The following DDX60 variants were observed in gnomAD, a reference collection of about 807,000 sequenced individuals.
The protein encoded by DDX60 is probable ATP-dependent RNA helicase DDX60.
DDX60 carries 165 observed loss-of-function variants against 212.8 expected under a neutral mutation model. That is an observed-to-expected ratio of 0.78 (90% CI 0.68 to 0.88). The LOEUF (loss-of-function observed/expected upper bound fraction) is 0.88, where lower values mean the gene tolerates loss of function less well. DDX60 is among the 40% of genes least tolerant of loss of function. The probability of loss-of-function intolerance (pLI) is 0.00; values close to 1 mark genes in which losing one functional copy is unlikely to be tolerated. For synonymous variants in DDX60, 703 were observed against 685.3 expected (o/e 1.03, Z -0.40); for missense variants, 1,905 against 2,003.9 (o/e 0.95, Z 0.94).
At chr4:168,307,967 G>T in intron 4 of DDX60, 39 bp downstream of exon 4, 1 of 1,339,522 alleles carries the variant, frequency 7.5e-7, no homozygotes, top group Non-Finnish European at 9.9e-7. Flanking sequence ...TTTAGTTTTA[G>T]TTCTCATATT....
intron 29 of DDX60, among the ~76,000 whole-genome samples, 167 bp from the exon 30 acceptor site, chr4:168,246,785 A>G (rs1396624204): frequency 2.0e-5 from 3 of 152,224 alleles, no homozygotes; most frequent in South Asian, 2.1e-4. Flanking sequence ...GAAATTTGCC[A>G]TGACTGAGAT....
intron 5 of DDX60, among the ~76,000 whole-genome samples, chr4:168,303,710 G>A (rs557751041): frequency 1.8e-4 from 27 of 152,246 alleles, no homozygotes; most frequent in African/African-American, 5.8e-4. Flanking sequence ...TAGGCTGGGC[G>A]TGGTGGCTCA....
At position 168,245,821 on chromosome 4, in the gene DDX60, G is replaced by C. The variant is rs1378324924; in HGVS notation, c.4164+597C>G. Among the ~76,000 whole-genome samples, 11 of 152,006 alleles carry C rather than the reference G, an allele frequency of 7.2e-5. No individual in the cohort carries two copies. The South Asian group carries it at 2.3e-3, about 32-fold the overall frequency. ...TTTTTATCTGGGCAACACACATCAGGACACATTTACAACCATATTTTGAAG... is the reference window on the plus strand; with the variant it reads ...TTTTTATCTGGGCAACACACATCAGCACACATTTACAACCATATTTTGAAG... On this transcript the variant is annotated intron_variant, in intron 30 of 37. Coordinates refer to ENST00000393743, the MANE Select transcript of DDX60 (RefSeq NM_017631.6).
At chr4:168,222,171 C>T (rs1733083667) in intron 35 of DDX60, among the ~76,000 whole-genome samples, 2 of 152,118 alleles carry the variant, frequency 1.3e-5, no homozygotes. Context: ...GAAAACCTAA[C>T]ACCATTTCAT....
In DDX60 at chr4:168,237,796, C is replaced by G; in HGVS notation, c.4165-1G>C. ...ATGAATGCTTTAGCACTGATAGCAC[C>G]TTTAAAGAAAAGAGTATTTTTAGAC... On this transcript the variant is annotated splice_acceptor_variant, in intron 30 of 37. Coordinates refer to ENST00000393743, the MANE Select transcript of DDX60 (RefSeq NM_017631.6). LOFTEE classifies it high-confidence loss of function. The G allele has an allele frequency of 6.3e-7, 1 of 1,594,300 alleles. No homozygotes were observed.
intron 27 of DDX60, among the ~76,000 whole-genome samples, chr4:168,252,074 A>G (rs776077532): frequency 7.9e-5 from 12 of 152,246 alleles, no homozygotes; most frequent in Non-Finnish European, 1.8e-4. Context: ...AATATTACTT[A>G]AAGTGTATTG....
At chr4:168,319,752 A>T (rs1339728699), upstream of DDX60, among the ~76,000 whole-genome samples, 2 of 152,200 alleles carry the variant, frequency 1.3e-5, no homozygotes, top group Non-Finnish European at 2.9e-5. Context: ...GAGGAAAGAC[A>T]GCAGTGAATT....
At chr4:168,297,328 A>G (rs1179241172) in intron 6 of DDX60, among the ~76,000 whole-genome samples, 1 of 79,102 alleles carries the variant, frequency 1.3e-5, no homozygotes, top group African/African-American at 1.1e-4. Flanking sequence ...GAAAGAAAGA[A>G]AGAAAGAAAG....
intron 20 of DDX60, among the ~76,000 whole-genome samples, chr4:168,268,622 G>A (rs1476233561): frequency 6.6e-6 from 1 of 151,980 alleles, no homozygotes; most frequent in Admixed American, 6.6e-5. Flanking sequence ...TGGGATGGGG[G>A]AAATTTCCTA....
intron 26 of DDX60, among the ~76,000 whole-genome samples, chr4:168,253,325 G>A (rs1184284162): frequency 6.6e-6 from 1 of 152,000 alleles, no homozygotes; most frequent in Non-Finnish European, 1.5e-5. Context: ...CATGACCCTG[G>A]GCTTGGATGT....
At chr4:168,248,121 A>T in intron 29 of DDX60, 67 bp downstream of exon 29, 1 of 1,022,232 alleles carries the variant, frequency 9.8e-7, no homozygotes, top group Non-Finnish European at 1.4e-6. Flanking sequence ...CTAAAGGTTC[A>T]CATGTTTTAC....
intron 22 of DDX60, among the ~76,000 whole-genome samples, chr4:168,265,101 G>A (rs187414595): frequency 9.6e-4 from 146 of 152,178 alleles, no homozygotes; most frequent in South Asian, 2.9e-3. Context: ...CATGAAAATT[G>A]GGCCAAAAGC....
chr4:168,303,989 A>G (rs1005380713), intron 5 of DDX60, among the ~76,000 whole-genome samples: 6 of 152,196 alleles, frequency 3.9e-5, no homozygotes, highest in Non-Finnish European at 7.3e-5. Context: ...CTCCAAAAAA[A>G]CAACAATAAA....
chr4:168,228,271 T>C (rs1168325756), intron 33 of DDX60, among the ~76,000 whole-genome samples: 1 of 152,136 alleles, frequency 6.6e-6, no homozygotes, highest in Non-Finnish European at 1.5e-5. Context: ...TGCAGTCTGT[T>C]GTGGATCAAA....
rs771711791 is a variant in DDX60 at position 168,306,518 on chromosome 4, T to A, written c.467A>T (p.Gln156Leu). The change falls in exon 5 of 38, where the codon CAG becomes CTG. Residue 156 changes from glutamine (Q) to leucine (L), a missense_variant. Physicochemically the swap from Gln to Leu is moderately radical, Grantham distance 113. Transcript: ENST00000393743. ...ADEGLNDLQT[Q>L]LFNFLIIHSW... ...ATGAATGATTAAAAAGTTGAAAAGC[T>A]GTGTTTGTAGATCGTTCAGGCCTTC... The A allele has an allele frequency of 2.5e-6, 4 of 1,614,058 alleles. No individual in the cohort carries two copies. Among genetic ancestry groups the A allele is most frequent in the African/African-American group, 1.3e-5 (1 of 74,930 alleles).
chr4:168,297,394 A>C (rs1736448655), intron 6 of DDX60, among the ~76,000 whole-genome samples: 1 of 138,538 alleles, frequency 7.2e-6, no homozygotes, highest in African/African-American at 2.8e-5. Flanking sequence ...GAAAGAAAGA[A>C]AGAAAGAAAG....
chr4:168,233,979 A>G (rs150713234), intron 33 of DDX60, among the ~76,000 whole-genome samples: 1 of 152,246 alleles, frequency 6.6e-6, no homozygotes, highest in East Asian at 1.9e-4. Flanking sequence ...GAGTTTATAT[A>G]TGTATATATC....
chr4:168,273,454 A>G (rs1272056223), intron 17 of DDX60, 56 bp from the exon 18 acceptor site: 2 of 1,601,462 alleles, frequency 1.2e-6, no homozygotes, highest in Non-Finnish European at 1.7e-6. Context: ...GTGAAATATC[A>G]GAGGACAACA....
chr4:168,278,172 G>A (rs1229571358), intron 14 of DDX60, among the ~76,000 whole-genome samples: 3 of 152,194 alleles, frequency 2.0e-5, no homozygotes, highest in Non-Finnish European at 4.4e-5. Flanking sequence ...GAAAGTTCTT[G>A]ACTTAATAAG....
Sources: gnomAD v4.1 joint callset for allele counts (sites outside exome capture counted in the v4.1 genomes callset) on GRCh38, gnomAD v4.1.1 for gene constraint, MANE v1.5 for transcripts, NCBI Gene and HGNC (gene_info 2026-07-23, HGNC 2026-07-21) for gene names.